The following CDC16 variants were observed in gnomAD, a reference collection of about 807,000 sequenced individuals.
CDC16 encodes the protein cell division cycle protein 16 homolog.
In CDC16, 34 loss-of-function variants were observed where a neutral mutation model predicts 87.0. The ratio of observed to expected loss-of-function variants is 0.39; its 90% confidence interval spans 0.30 to 0.52. The LOEUF is 0.52. Among genes scored for constraint, CDC16 ranks in the 20% least tolerant of loss-of-function variants. The pLI, the probability that CDC16 is intolerant of heterozygous loss-of-function variation, is 0.74. For missense variants in CDC16, 653 were observed against 751.9 expected (o/e 0.87, Z 1.54); for synonymous variants, 263 against 260.6 (o/e 1.01, Z -0.09).
chr13:114,242,070 G>T (rs559015589), intron 5 of CDC16, 51 bp from the exon 6 acceptor site: 17 of 1,534,740 alleles, frequency 1.1e-5, no homozygotes, highest in Admixed American at 1.1e-4. Flanking sequence ...AAAAAAAAAA[G>T]TTAAGTTTAA....
chr13:114,268,124 GA>G (rs2083362185), intron 17 of CDC16, among the ~76,000 whole-genome samples: 1 of 151,738 alleles, frequency 6.6e-6, no homozygotes, highest in South Asian at 2.1e-4. Context: ...TCCCGAGTTG[GA>G]AAAGGGAAAG....
chr13:114,260,430 C>T (rs571093440), intron 14 of CDC16, among the ~76,000 whole-genome samples: 12 of 152,296 alleles, frequency 7.9e-5, no homozygotes, highest in South Asian at 6.2e-4. Context: ...ATGCCCCAGA[C>T]GGGCTCAGCA....
chr13:114,245,271 C>CCTTTTTTTTTTT (rs1555355828), intron 9 of CDC16, among the ~76,000 whole-genome samples: 1 of 141,866 alleles, frequency 7.0e-6, no homozygotes, highest in Non-Finnish European at 1.5e-5. Flanking sequence ...CTCCCCCCCC[C>CCTTTTTTTTTTT]TTTTTTTTTT....
At chr13:114,265,017 C>A in intron 16 of CDC16, 133 bp from the exon 17 acceptor site, 1 of 675,902 alleles carries the variant, frequency 1.5e-6, no homozygotes, top group Non-Finnish European at 2.7e-6. Context: ...ATCTTTGGTT[C>A]ATGGCCAGTC....
intron 13 of CDC16, 147 bp downstream of exon 13, chr13:114,257,377 GA>G: frequency 1.7e-6 from 1 of 583,008 alleles, no homozygotes; most frequent in Non-Finnish European, 2.8e-6. Context: ...AGAAAAAAAA[GA>G]GAGAAACTGT....
intron 15 of CDC16, 77 bp downstream of exon 15, chr13:114,262,025 C>A (rs569523737): frequency 1.2e-6 from 1 of 860,738 alleles, no homozygotes; most frequent in Non-Finnish European, 1.8e-6. Flanking sequence ...TTGTCATATT[C>A]TTATTTCATG....
rs2081276018 is a variant in CDC16, at chr13:114,236,857, C to T, written c.162C>T (p.His54=). The T allele has an allele frequency of 6.2e-7, 1 of 1,606,182 alleles. No individual in the cohort carries two copies. The highest frequency in any genetic ancestry group is 1.1e-5 in the South Asian group (1 of 89,272). The change falls in exon 3 of 18, where the codon CAC becomes CAT. Residue 54 remains histidine (H), a synonymous_variant. Coordinates refer to ENST00000356221, the MANE Select transcript of CDC16 (RefSeq NM_001078645.3). ...AQCLYLTAQY[H]RAAHALRSRK... The stretch of plus-strand genomic sequence containing the variant: ...GTCTTTACCTGACAGCACAATATCA[C>T]AGAGCCGCCCATGCACTTCGGTCAC...
rs2081158346 is a variant in CDC16 at position 114,234,903 on chromosome 13, CG to C, written c.-178del. Reference sequence around the variant, plus strand: ...GGAGCGGAAGAGCCTGGGCAGTGCACGGGGCCTGGGTGGGGGGTGCGGGTGT... The same window carrying C: ...GGAGCGGAAGAGCCTGGGCAGTGCACGGGCCTGGGTGGGGGGTGCGGGTGT... On this transcript the variant is annotated 5_prime_UTR_variant, in exon 1 of 18. Transcript: ENST00000356221. The C allele has an allele frequency of 8.3e-6, 3 of 362,010 alleles. No individual in the cohort carries two copies. The highest frequency in any genetic ancestry group is 1.4e-5 in the Non-Finnish European group (3 of 214,916). The allele number at this position is 362,010 out of a possible 1,614,324, so 22.4% of individuals were successfully genotyped here.
At chr13:114,238,894 T>C in intron 3 of CDC16, 96 bp from the exon 4 acceptor site, 2 of 1,442,182 alleles carry the variant, frequency 1.4e-6, no homozygotes, top group East Asian at 2.3e-5. Context: ...AAGGAGAAAT[T>C]ATGAAATTAG....
At position 114,269,696 on chromosome 13, in the gene CDC16, AT is replaced by A. The variant is rs542230557; in HGVS notation, c.1604-2481del. 3.3e-5 allele frequency among the ~76,000 whole-genome samples: 5 copies of A among 151,602 alleles called. No individual in the cohort carries two copies. The South Asian group carries it at 1.0e-3, about 31-fold the overall frequency. ...TTAGAAACATGCATCAGTTTCACAG[AT>A]TTTTTTATTTTTTATTATTTTTTCT... On this transcript the variant is annotated intron_variant, in intron 17 of 17. Coordinates refer to ENST00000356221, the MANE Select transcript of CDC16 (RefSeq NM_001078645.3).
intron 13 of CDC16, among the ~76,000 whole-genome samples, chr13:114,257,684 T>A (rs2082591511): frequency 6.6e-6 from 1 of 152,242 alleles, no homozygotes; most frequent in Non-Finnish European, 1.5e-5. Context: ...ATTTGTAGAA[T>A]AAGTGATTTG....
chr13:114,245,237 T>G (rs1288041580), intron 9 of CDC16, among the ~76,000 whole-genome samples: 1 of 151,922 alleles, frequency 6.6e-6, no homozygotes, highest in African/African-American at 2.4e-5. Context: ...TTGTTAGCTT[T>G]AAATTGTTGG....
chr13:114,260,953 A>G (rs568278426), intron 14 of CDC16, among the ~76,000 whole-genome samples: 19 of 152,258 alleles, frequency 1.2e-4, no homozygotes, highest in East Asian at 1.2e-3. Flanking sequence ...TGAGTTTACT[A>G]TTTCCTGACC....
chr13:114,254,558 A>G (rs1566663896), intron 12 of CDC16, among the ~76,000 whole-genome samples: 2 of 152,194 alleles, frequency 1.3e-5, no homozygotes, highest in East Asian at 1.9e-4. Context: ...TACATCTTAC[A>G]CATTATAAGT....
Position 114,243,938 on chromosome 13 carries a change from A to C in CDC16, c.716A>C (p.Glu239Ala). ...CTGGATGTGGTAGTGTCTTTAGCTG[A>C]GAGACATTATTATAACTGTGATTTT... Reference protein sequence around the residue: ...ENLDVVVSLAERHYYNCDFKM... With the variant: ...ENLDVVVSLAARHYYNCDFKM... The change falls in exon 8 of 18, where the codon GAG (glutamate) becomes GCG (alanine). Residue 239 changes from glutamate to alanine, a missense_variant. Coordinates refer to ENST00000356221, the MANE Select transcript of CDC16 (RefSeq NM_001078645.3). 1 of 1,605,432 alleles carries C rather than the reference A, an allele frequency of 6.2e-7. No homozygotes were observed. Among genetic ancestry groups the C allele is most frequent in the Non-Finnish European group, 8.5e-7 (1 of 1,172,304 alleles).
chr13:114,253,024 C>G (rs534445719), intron 12 of CDC16, among the ~76,000 whole-genome samples: 1 of 152,266 alleles, frequency 6.6e-6, no homozygotes, highest in South Asian at 2.1e-4. Flanking sequence ...GTAATCCCAG[C>G]TATGCGGGAA....
At position 114,272,382 on chromosome 13, in the gene CDC16, A is replaced by C; in HGVS notation, c.1802A>C (p.Glu601Ala). 1 of 1,614,128 alleles carries C rather than the reference A, an allele frequency of 6.2e-7. No individual in the cohort carries two copies. The highest frequency in any genetic ancestry group is 2.2e-5 in the East Asian group (1 of 44,890). Residue 601 changes from glutamate (E) to alanine (A), a missense_variant, in exon 18 of 18, where the codon GAA (glutamate) becomes GCA (alanine). Transcript: ENST00000356221. ...AGACCTTCCTTGGAAGAAACCTTTG[A>C]AATTGAAATGAATGAAAGTGACATG... The part of the protein sequence containing the change: ...DSRPSLEETF[E>A]IEMNESDMML...
At chr13:114,240,911 G>A (rs751733904) in intron 5 of CDC16, among the ~76,000 whole-genome samples, 3 of 151,960 alleles carry the variant, frequency 2.0e-5, no homozygotes, top group South Asian at 2.1e-4. Context: ...TATTTGCAAC[G>A]CATTATTATT....
chr13:114,261,756 G>A (rs2082874677), intron 14 of CDC16, 131 bp from the exon 15 acceptor site: 1 of 573,602 alleles, frequency 1.7e-6, no homozygotes, highest in African/African-American at 1.9e-5. Flanking sequence ...CAGTTACCCT[G>A]GCCTTGTGGT....
Sources: gnomAD v4.1 joint callset for allele counts (sites outside exome capture counted in the v4.1 genomes callset) on GRCh38, gnomAD v4.1.1 for gene constraint, MANE v1.5 for transcripts, NCBI Gene and HGNC (gene_info 2026-07-23, HGNC 2026-07-21) for gene names.